Variants in NLGN4X observed in about 807,000 individuals in gnomAD.
NLGN4X encodes the protein neuroligin 4 X-linked, also known as neuroligin-4, X-linked.
NLGN4X carries 3 observed loss-of-function variants against 40.3 expected under a neutral mutation model. That is an observed-to-expected ratio of 0.07 (90% CI 0.03 to 0.19). The LOEUF is 0.19. NLGN4X is among the 10% of genes least tolerant of loss of function. NLGN4X has a pLI of 1.00. For synonymous variants in NLGN4X, 270 were observed against 306.8 expected (o/e 0.88, Z 1.25); for missense variants, 382 against 708.3 (o/e 0.54, Z 5.23).
chrX:6,206,818 T>C (rs1447310050), intron 1 of NLGN4X, among the ~76,000 whole-genome samples: 1 of 112,209 alleles, frequency 8.9e-6, no homozygotes, highest in Non-Finnish European at 1.9e-5. Flanking sequence ...AAAGACCTTA[T>C]TTCAAAATAA....
At chrX:6,176,221 T>C (rs766264064) in intron 1 of NLGN4X, among the ~76,000 whole-genome samples, 5 of 112,037 alleles carry the variant, frequency 4.5e-5, no homozygotes, top group African/African-American at 1.6e-4. Flanking sequence ...TGATTTTTCA[T>C]TGAACCTTCA....
At chrX:6,159,995 G>A (rs1044385105) in intron 1 of NLGN4X, among the ~76,000 whole-genome samples, 1 of 111,048 alleles carries the variant, frequency 9.0e-6, no homozygotes, top group African/African-American at 3.3e-5. Context: ...GGCTACCAGA[G>A]GCTGGGAAGG....
chrX:6,213,909 C>A lies in NLGN4X; in HGVS notation c.-306+14632G>T, dbSNP rs777714798. On this transcript the variant is annotated intron_variant, in intron 1 of 5. Transcript: ENST00000381095. ...TACATAATAAATGGAGCATTCCCAG[C>A]GCACTTACTTTAAAGCATTGTGGAA... is the stretch of plus-strand genomic sequence containing the variant. Among the ~76,000 whole-genome samples the A allele has an allele frequency of 1.3e-4, 14 of 111,846 alleles. No individual in the cohort carries two copies. The East Asian group carries it at 1.4e-3, about 11-fold the overall frequency.
chrX:6,175,375 C>T (rs906577614), intron 1 of NLGN4X, among the ~76,000 whole-genome samples: 1 of 110,395 alleles, frequency 9.1e-6, no homozygotes. Context: ...CTACCCAACA[C>T]CATCTAGTAT....
chrX:6,058,941 C>T (rs1208618776), intron 2 of NLGN4X, among the ~76,000 whole-genome samples: 1 of 111,394 alleles, frequency 9.0e-6, no homozygotes, highest in Non-Finnish European at 1.9e-5. Context: ...CTCAAAGTAC[C>T]TCACCTTTCG....
chrX:6,048,045 T>C lies in NLGN4X; in HGVS notation c.473-18613A>G, dbSNP rs138603558. On this transcript the variant is annotated intron_variant, in intron 2 of 5. Coordinates refer to ENST00000381095, the MANE Select transcript of NLGN4X (RefSeq NM_181332.3). ...GTTCGTGGTCCCATGAAATTCCCGC[T>C]GTGCCCTGTCCTGTGCTTCCACCAG... 2.8e-3 allele frequency among the ~76,000 whole-genome samples: 317 copies of C among 111,920 alleles called. 2 individuals carry two copies. Among genetic ancestry groups the C allele is most frequent in the African/African-American group, 9.7e-3 (300 of 30,831 alleles).
At chrX:6,069,500 C>T (rs776673514) in intron 2 of NLGN4X, among the ~76,000 whole-genome samples, 3 of 111,286 alleles carry the variant, frequency 2.7e-5, no homozygotes, top group South Asian at 7.6e-4. Context: ...AACAATGAAC[C>T]AACAATTTCA....
At chrX:6,070,189 T>C (rs965247261) in intron 2 of NLGN4X, among the ~76,000 whole-genome samples, 1 of 110,997 alleles carries the variant, frequency 9.0e-6, no homozygotes, top group Non-Finnish European at 1.9e-5. Flanking sequence ...TTTTTTTTAA[T>C]GTAGCTGACA....
At chrX:5,940,390 TG>T (rs1325719288) in intron 3 of NLGN4X, among the ~76,000 whole-genome samples, 2 of 111,414 alleles carry the variant, frequency 1.8e-5, no homozygotes, top group African/African-American at 6.5e-5. Flanking sequence ...GCTAAATAGA[TG>T]AGGCAAACTG....
Position 6,150,930 on chromosome X carries a change from C to T in NLGN4X, c.472+65G>A, listed in dbSNP as rs1401870807. Reference sequence around the variant, plus strand: ...ATCATGCATGAGACATTATAAAACCCTCCTAGCAAATCTCTCTACACACTG... The same window carrying T: ...ATCATGCATGAGACATTATAAAACCTTCCTAGCAAATCTCTCTACACACTG... On this transcript the variant is annotated intron_variant, in intron 2 of 5. Coordinates refer to ENST00000381095, the MANE Select transcript of NLGN4X (RefSeq NM_181332.3). The T allele has an allele frequency of 7.5e-6, 7 of 928,324 alleles. No homozygotes were observed. In the African/African-American group the frequency reaches 7.8e-5, roughly 10 times the overall value. 76.5% of individuals were successfully genotyped at this position (928,324 alleles called of 1,213,427 possible). A position where few individuals can be genotyped will look rare whatever the true frequency, so the allele number is the denominator to read the frequency against.
chrX:5,934,319 T>C (rs772988155), intron 3 of NLGN4X, among the ~76,000 whole-genome samples: 1 of 111,744 alleles, frequency 8.9e-6, no homozygotes, highest in South Asian at 3.7e-4. Flanking sequence ...AACACAGATA[T>C]GATGAAAATA....
intron 3 of NLGN4X, among the ~76,000 whole-genome samples, chrX:5,936,439 C>T (rs2033732349): frequency 1.8e-5 from 2 of 112,044 alleles, no homozygotes; most frequent in Admixed American, 9.5e-5. Flanking sequence ...ATAATTAAGT[C>T]TCAATATTTA....
chrX:6,209,953 C>T (rs1158617446), intron 1 of NLGN4X, among the ~76,000 whole-genome samples: 2 of 112,242 alleles, frequency 1.8e-5, no homozygotes, highest in African/African-American at 6.5e-5. Context: ...TCGGCTCAAG[C>T]CATCCTCCTG....
At chrX:6,160,056 G>A (rs768779241) in intron 1 of NLGN4X, among the ~76,000 whole-genome samples, 1 of 111,310 alleles carries the variant, frequency 9.0e-6, no homozygotes, top group East Asian at 2.8e-4. Flanking sequence ...CAAAAATATA[G>A]ACAGAATGAA....
At chrX:5,912,195 A>C (rs572265874) in intron 3 of NLGN4X, among the ~76,000 whole-genome samples, 1 of 112,001 alleles carries the variant, frequency 8.9e-6, no homozygotes, top group Non-Finnish European at 1.9e-5. Context: ...AGCATAGTAC[A>C]GATTGGCCTT....
intron 2 of NLGN4X, among the ~76,000 whole-genome samples, chrX:6,145,809 C>T (rs769880273): frequency 7.2e-5 from 8 of 111,083 alleles, no homozygotes; most frequent in Non-Finnish European, 1.1e-4. Context: ...AGTATAGGGT[C>T]AGCAGCTGTG....
intron 5 of NLGN4X, among the ~76,000 whole-genome samples, chrX:5,895,508 T>C (rs995374165): frequency 2.2e-4 from 25 of 111,618 alleles, no homozygotes; most frequent in Non-Finnish European, 4.5e-4. Flanking sequence ...AAGTATATTG[T>C]ATATTACATA....
intron 3 of NLGN4X, among the ~76,000 whole-genome samples, chrX:5,978,344 C>A (rs2035273531): frequency 1.8e-5 from 1 of 56,775 alleles, no homozygotes; most frequent in Non-Finnish European, 3.2e-5. Flanking sequence ...TTCTTTCTTT[C>A]CCTTCCTTCT....
intron 2 of NLGN4X, among the ~76,000 whole-genome samples, chrX:6,045,758 G>A (rs944606061): frequency 8.1e-5 from 9 of 110,842 alleles, no homozygotes; most frequent in African/African-American, 3.0e-4. Context: ...GAAAAGAAAT[G>A]TTGCACTAAG....
Sources: allele counts gnomAD v4.1 joint callset (sites outside exome capture counted in the v4.1 genomes callset), GRCh38; gene constraint gnomAD v4.1.1; transcripts MANE v1.5; gene names NCBI Gene and HGNC (gene_info 2026-07-23, HGNC 2026-07-21).